The following PSPH variants were observed in gnomAD, a reference collection of about 807,000 sequenced individuals.
PSPH encodes the protein phosphoserine phosphatase, also known as L-3-phosphoserine phosphatase.
In PSPH, 16 loss-of-function variants were observed where a neutral mutation model predicts 23.4. The ratio of observed to expected loss-of-function variants is 0.68; its 90% CI spans 0.46 to 1.04. The LOEUF is 1.04. Among genes scored for constraint, PSPH ranks in the 50% least tolerant of loss-of-function variants. The pLI is 0.00. For synonymous variants in PSPH, 68 were observed against 99.7 expected (o/e 0.68, Z 1.89); for missense variants, 223 against 273.7 (o/e 0.81, Z 1.31).
intron 1 of PSPH, among the ~76,000 whole-genome samples, chr7:56,043,843 TAA>T (rs1227717106): frequency 5.3e-5 from 8 of 152,080 alleles, no homozygotes; most frequent in Admixed American, 3.3e-4. Context: ...AACAAATGAA[TAA>T]AGTTATGAGC....
chr7:56,035,192 T>A (rs544513902), intron 1 of PSPH, among the ~76,000 whole-genome samples: 1 of 152,148 alleles, frequency 6.6e-6, no homozygotes, highest in African/African-American at 2.4e-5. Context: ...AATACAAAAA[T>A]TAGCGGGGCA....
rs1325392708 is a variant in PSPH at position 56,039,873 on chromosome 7, C to T, written c.-291-5767G>A. Among the ~76,000 whole-genome samples, 8 of 150,224 alleles carry T rather than the reference C, an allele frequency of 5.3e-5. No individual in the cohort carries two copies. The South Asian group carries it at 8.4e-4, about 16-fold the overall frequency. ...CAGCACTTTGGGAGGCCGAGGTGGGCGGATCACGAGGTCAGGAGATCGAGA... is the reference window on the plus strand; with the variant it reads ...CAGCACTTTGGGAGGCCGAGGTGGGTGGATCACGAGGTCAGGAGATCGAGA... On this transcript the variant is annotated intron_variant, in intron 1 of 7. Transcript: ENST00000275605.
Position 56,011,869 on chromosome 7 carries a change from C to G in PSPH, c.571G>C (p.Asp191His). 1 of 1,599,806 alleles carries G rather than the reference C, an allele frequency of 6.3e-7. No homozygotes were observed. The highest frequency in any genetic ancestry group is 1.3e-5 in the African/African-American group (1 of 74,692). ...TTTCCTCCAAATCCAATGAAAGCAT[C>G]CTAAGAAGGAAGAAAAGAGAGAGAA... ...ATDMEACPPA[D>H]AFIGFGGNVI... Residue 191 changes from aspartate (D) to histidine (H), a missense_variant and splice_region_variant, in exon 8 of 8, where the codon GAT (aspartate) becomes CAT (histidine). By Grantham distance (81) the Asp-to-His change is moderately conservative (BLOSUM62 -1). Coordinates refer to ENST00000275605, the MANE Select transcript of PSPH (RefSeq NM_004577.4).
At chr7:56,048,410 A>G (rs76149582) in intron 1 of PSPH, among the ~76,000 whole-genome samples, 3,085 of 152,298 alleles carry the variant, frequency 0.02, 87 homozygotes, top group African/African-American at 0.068. Context: ...AAAATTGCAG[A>G]ACTGTTCCAG....
At chr7:56,020,408 C>T (rs1197707278) in intron 4 of PSPH, among the ~76,000 whole-genome samples, 1 of 151,978 alleles carries the variant, frequency 6.6e-6, no homozygotes, top group African/African-American at 2.4e-5. Flanking sequence ...GGGCGGATCA[C>T]GAGGTCAGGA....
In PSPH at chr7:56,019,695, A is replaced by G. The variant is rs1789065510; in HGVS notation, c.180T>C (p.Ala60=). The G allele has an allele frequency of 1.2e-6, 2 of 1,613,778 alleles. No individual in the cohort carries two copies. Among genetic ancestry groups the G allele is most frequent in the Middle Eastern group, 1.7e-4 (1 of 5,978 alleles). Residue 60 remains alanine (A), a synonymous_variant, in exon 5 of 8, where the codon GCT becomes GCC. Transcript: ENST00000275605. The stretch of plus-strand genomic sequence containing the variant: ...TGAGGGCTAAGCGCTCTGTGAGAGC[A>G]GCTTTGAAAGGCACTGCCCCGCCCA... The part of the protein sequence containing the change: ...RAMGGAVPFK[A]ALTERLALIQ...
At chr7:56,022,513 G>A (rs1159419797) in intron 3 of PSPH, among the ~76,000 whole-genome samples, 1 of 152,060 alleles carries the variant, frequency 6.6e-6, no homozygotes, top group Non-Finnish European at 1.5e-5. Context: ...AGCGAGGAGT[G>A]TGAGCAAAGA....
Position 56,027,886 on chromosome 7 carries a change from C to CT in PSPH, c.-20+4042dup, listed in dbSNP as rs1422628754. ...TCGAGAACACAGTAAGATTCTTTCT[C>CT]TAAAAAAAAAAAAAAAAAAAAAAAA... On this transcript the variant is annotated intron_variant, in intron 3 of 7. Coordinates refer to ENST00000275605, the MANE Select transcript of PSPH (RefSeq NM_004577.4). 1.1e-4 allele frequency among the ~76,000 whole-genome samples: 11 copies of CT among 97,806 alleles called. No individual in the cohort carries two copies. The Admixed American group carries it at 1.3e-3, about 12-fold the overall frequency. The allele number at this position is 97,806 out of a possible 152,430, so 64.2% of individuals were successfully genotyped here. A position where few individuals can be genotyped will look rare whatever the true frequency, so the allele number is the denominator to read the frequency against.
intron 7 of PSPH, among the ~76,000 whole-genome samples, chr7:56,012,305 C>T (rs1788002454): frequency 6.6e-6 from 1 of 152,128 alleles, no homozygotes; most frequent in Non-Finnish European, 1.5e-5. Context: ...GATCATCCTG[C>T]CTCAGCCTCC....
Position 56,032,062 on chromosome 7 carries a change from G to C in PSPH, c.-145-8C>G, listed in dbSNP as rs1009010828. The C allele has an allele frequency of 2.0e-5, 3 of 152,684 alleles. No individual in the cohort carries two copies. In the Admixed American group the frequency reaches 2.0e-4, roughly 10 times the overall value. 9.5% of individuals were successfully genotyped at this position (152,684 alleles called of 1,614,324 possible). ...TTCTGCAAGAGCAAGAGCCTAGAAAGAGAGAATGAGGAAATGAACATCGAA... is the reference window on the plus strand; with the variant it reads ...TTCTGCAAGAGCAAGAGCCTAGAAACAGAGAATGAGGAAATGAACATCGAA... On this transcript the variant is annotated splice_region_variant and splice_polypyrimidine_tract_variant and intron_variant, in intron 2 of 7. Coordinates refer to ENST00000275605, the MANE Select transcript of PSPH (RefSeq NM_004577.4).
chr7:56,045,395 C>T (rs1297586831), intron 1 of PSPH, among the ~76,000 whole-genome samples: 2 of 149,236 alleles, frequency 1.3e-5, no homozygotes, highest in Non-Finnish European at 3.0e-5. Flanking sequence ...CCCAGAAGGT[C>T]GAGGTTGCAG....
chr7:56,034,749 C>T (rs1343856694), intron 1 of PSPH, among the ~76,000 whole-genome samples: 16 of 152,130 alleles, frequency 1.1e-4, no homozygotes, highest in Non-Finnish European at 4.4e-5. Flanking sequence ...ATTTCCTGAC[C>T]TCGTGATCCG....
chr7:56,038,002 C>T (rs1337543609), intron 1 of PSPH, among the ~76,000 whole-genome samples: 3 of 151,636 alleles, frequency 2.0e-5, no homozygotes, highest in Admixed American at 1.3e-4. Flanking sequence ...AGTGAGCCAC[C>T]GTGCCCAGCC....
chr7:56,012,753 G>C (rs1033268113), intron 7 of PSPH, among the ~76,000 whole-genome samples: 1 of 148,550 alleles, frequency 6.7e-6, no homozygotes, highest in Admixed American at 6.7e-5. Context: ...GTGAAACCCT[G>C]TCTCTAATTT....
chr7:56,032,753 T>A (rs1791193957), intron 2 of PSPH, among the ~76,000 whole-genome samples: 1 of 151,378 alleles, frequency 6.6e-6, no homozygotes, highest in South Asian at 2.1e-4. Context: ...GAGTTCAAGA[T>A]AAGCCTGGGC....
chr7:56,038,936 G>C (rs1792109613), intron 1 of PSPH, among the ~76,000 whole-genome samples: 1 of 151,984 alleles, frequency 6.6e-6, no homozygotes, highest in Non-Finnish European at 1.5e-5. Context: ...CTGAGGTCAG[G>C]AGTTCAAGAC....
intron 7 of PSPH, among the ~76,000 whole-genome samples, chr7:56,014,419 ATG>A (rs1397551398): frequency 6.6e-6 from 1 of 152,176 alleles, no homozygotes; most frequent in Non-Finnish European, 1.5e-5. Flanking sequence ...ACAAGATTGA[ATG>A]TGTTTTTATT....
chr7:56,037,995 G>A (rs1791959355), intron 1 of PSPH, among the ~76,000 whole-genome samples: 1 of 151,630 alleles, frequency 6.6e-6, no homozygotes. Flanking sequence ...TTACAAGAGT[G>A]AGCCACCGTG....
intron 5 of PSPH, among the ~76,000 whole-genome samples, chr7:56,018,476 C>T (rs1788886450): frequency 6.6e-6 from 1 of 152,066 alleles, no homozygotes; most frequent in African/African-American, 2.4e-5. Flanking sequence ...TAGGTTTTCC[C>T]TGGAGAAAGA....
Sources: allele counts gnomAD v4.1 joint callset (sites outside exome capture counted in the v4.1 genomes callset), GRCh38; gene constraint gnomAD v4.1.1; transcripts MANE v1.5; gene names NCBI Gene and HGNC (gene_info 2026-07-23, HGNC 2026-07-21).